HPD: variants seen among roughly 807,000 people sequenced by gnomAD.
The protein encoded by HPD is 4-hydroxyphenylpyruvate dioxygenase, also known as 4-hydroxyphenylpyruvic acid oxidase.
HPD carries 35 observed loss-of-function variants against 56.9 expected under a neutral mutation model. The observed-to-expected ratio is 0.62, with a 90% CI of 0.47 to 0.82. HPD has a LOEUF of 0.82. HPD is among the 40% of genes least tolerant of loss of function. The pLI is 0.00. For synonymous variants in HPD, 186 were observed against 200.2 expected, an observed-to-expected ratio of 0.93 and a Z score of 0.60; for missense variants, 442 against 506.8, an observed-to-expected ratio of 0.87 and a Z score of 1.23.
intron 11 of HPD, among the ~76,000 whole-genome samples, chr12:121,844,468 C>T (rs934696883): frequency 1.3e-5 from 2 of 151,982 alleles, no homozygotes; most frequent in Non-Finnish European, 2.9e-5. Flanking sequence ...ATCTATTAGG[C>T]CGAGTGTGGT....
At chr12:121,853,400 G>A (rs962075933) in intron 7 of HPD, among the ~76,000 whole-genome samples, 4 of 151,808 alleles carry the variant, frequency 2.6e-5, no homozygotes, top group Non-Finnish European at 4.4e-5. Flanking sequence ...AGGCTGAGGC[G>A]GGCGGATCAC....
chr12:121,855,129 T>G (rs982405387), intron 6 of HPD, among the ~76,000 whole-genome samples: 4 of 152,322 alleles, frequency 2.6e-5, no homozygotes, highest in Admixed American at 6.5e-5. Context: ...ATGAGAATAA[T>G]AAGAAGATTC....
At chr12:121,845,527 G>A (rs1566568988) in intron 11 of HPD, among the ~76,000 whole-genome samples, 1 of 150,286 alleles carries the variant, frequency 6.7e-6, no homozygotes, top group Non-Finnish European at 1.5e-5. Context: ...CGTGAACCCA[G>A]GAGGCGGAGC....
At chr12:121,859,654 G>T (rs955750632), upstream of HPD, among the ~76,000 whole-genome samples, 2 of 152,220 alleles carry the variant, frequency 1.3e-5, no homozygotes, top group Non-Finnish European at 2.9e-5. Context: ...TGTCTCCCAG[G>T]TCATGGAACT....
the HPD span, among the ~76,000 whole-genome samples, chr12:121,871,207 A>C: frequency 0.33 from 49,308 of 151,322 alleles, 9,693 homozygotes; most frequent in East Asian, 0.57. Context: ...ACAAAAAAAA[A>C]CCCCAAAATC....
At chr12:121,858,969 A>T (rs1878105605), upstream of HPD, 3 of 873,550 alleles carry the variant, frequency 3.4e-6, no homozygotes, top group Non-Finnish European at 3.8e-6. Flanking sequence ...GGAAGGTTCC[A>T]GGCCTGGGGA....
At chr12:121,875,804 C>T in the HPD span, among the ~76,000 whole-genome samples, 2 of 152,040 alleles carry the variant, frequency 1.3e-5, no homozygotes, top group South Asian at 4.2e-4. Flanking sequence ...CAAACGGATA[C>T]AAACAGAAGT....
At chr12:121,844,822 A>C (rs1279985634) in intron 11 of HPD, among the ~76,000 whole-genome samples, 1 of 152,032 alleles carries the variant, frequency 6.6e-6, no homozygotes, top group Non-Finnish European at 1.5e-5. Flanking sequence ...CAGAGCTTGC[A>C]GTGAGCCGAG....
upstream of HPD, among the ~76,000 whole-genome samples, chr12:121,860,490 C>T (rs1161676028): frequency 6.6e-6 from 1 of 152,190 alleles, no homozygotes; most frequent in Non-Finnish European, 1.5e-5. Context: ...GCTGGGTGCA[C>T]CCCTAGATGC....
At chr12:121,850,882 A>G (rs2137621175) in intron 7 of HPD, among the ~76,000 whole-genome samples, 1 of 130,382 alleles carries the variant, frequency 7.7e-6, no homozygotes, top group Non-Finnish European at 1.6e-5. Flanking sequence ...TTTTTTTTTG[A>G]GACAGAGCTC....
At chr12:121,859,170 G>A (rs547438112), upstream of HPD, 20 of 399,568 alleles carry the variant, frequency 5.0e-5, no homozygotes, top group African/African-American at 3.9e-4. Flanking sequence ...CTGGAGTGCA[G>A]TGGCGGCTCC....
chr12:121,846,299 C>T (rs1877580489), intron 11 of HPD, among the ~76,000 whole-genome samples: 1 of 152,210 alleles, frequency 6.6e-6, no homozygotes, highest in South Asian at 2.1e-4. Context: ...TCACTGCAAC[C>T]TCTACCTCCT....
At chr12:121,851,170 G>A (rs1385943172) in intron 7 of HPD, among the ~76,000 whole-genome samples, 1 of 151,592 alleles carries the variant, frequency 6.6e-6, no homozygotes, top group Non-Finnish European at 1.5e-5. Context: ...CCCCACACCT[G>A]GCTAATTTTT....
chr12:121,843,459 C>T (rs1877472204), intron 12 of HPD, among the ~76,000 whole-genome samples: 1 of 152,234 alleles, frequency 6.6e-6, no homozygotes, highest in East Asian at 1.9e-4. Context: ...AGAGGCCCTC[C>T]CTGACCAGTC....
In HPD at chr12:121,851,660, A is replaced by C. The variant is rs573281531; in HGVS notation, c.415-1870T>G. Among the ~76,000 whole-genome samples the C allele has an allele frequency of 5.3e-5, 8 of 151,050 alleles. No individual in the cohort carries two copies. The South Asian group carries it at 1.7e-3, about 32-fold the overall frequency. Reference sequence around the variant, plus strand: ...ATTTTTATGTTTAATTTAATTTTTTAACTTTTTAAAACATTTTTATTCATT... The same window carrying C: ...ATTTTTATGTTTAATTTAATTTTTTCACTTTTTAAAACATTTTTATTCATT... On this transcript the variant is annotated intron_variant, in intron 7 of 13. Coordinates refer to ENST00000289004, the MANE Select transcript of HPD (RefSeq NM_002150.3).
chr12:121,863,014 G>T (rs1226965143), upstream of HPD, among the ~76,000 whole-genome samples: 1 of 135,446 alleles, frequency 7.4e-6, no homozygotes, highest in Non-Finnish European at 1.6e-5. Flanking sequence ...AGATGGTCTT[G>T]GGATGTCTCC....
Position 121,857,806 on chromosome 12 carries a change from C to A in HPD, c.44G>T (p.Arg15Leu). The change falls in exon 3 of 14, where the codon CGA (arginine) becomes CTA (leucine). Residue 15 changes from arginine to leucine, a missense_variant. Arg to Leu is a moderately radical substitution (Grantham distance 102). Coordinates refer to ENST00000289004, the MANE Select transcript of HPD (RefSeq NM_002150.3). ...SDKGAKPERG[R>L]FLHFHSVTFW... Reference sequence around the variant, plus strand: ...GGTCACAGAGTGGAAGTGGAGGAATCGGCCTCTCTCAGGCTGCAGAAGGAG... The same window carrying A: ...GGTCACAGAGTGGAAGTGGAGGAATAGGCCTCTCTCAGGCTGCAGAAGGAG... The A allele has an allele frequency of 6.2e-7, 1 of 1,613,822 alleles. No homozygotes were observed. Among genetic ancestry groups the A allele is most frequent in the Non-Finnish European group, 8.5e-7 (1 of 1,179,766 alleles).
At chr12:121,876,095 G>C in the HPD span, among the ~76,000 whole-genome samples, 1 of 152,178 alleles carries the variant, frequency 6.6e-6, no homozygotes, top group African/African-American at 2.4e-5. Flanking sequence ...AGGATCACCT[G>C]AGGTCAGGAG....
chr12:121,862,850 TTTTGTA>T (rs747539444), upstream of HPD, among the ~76,000 whole-genome samples: 2 of 150,784 alleles, frequency 1.3e-5, no homozygotes, highest in Non-Finnish European at 3.0e-5. Context: ...TCAGCTAATG[TTTTGTA>T]TTTTTAGTAG....
Sources: gnomAD v4.1 joint callset for allele counts (sites outside exome capture counted in the v4.1 genomes callset) on GRCh38, gnomAD v4.1.1 for gene constraint, MANE v1.5 for transcripts, NCBI Gene and HGNC (gene_info 2026-07-23, HGNC 2026-07-21) for gene names.